The following ACTN1 variants were observed in gnomAD, a reference collection of about 807,000 sequenced individuals.
ACTN1 encodes actinin alpha 1, also known as alpha-actinin-1.
ACTN1 carries 30 observed loss-of-function variants against 119.6 expected under a neutral mutation model. That is an observed-to-expected ratio of 0.25 (90% CI 0.19 to 0.34). The LOEUF (loss-of-function observed/expected upper bound fraction) is 0.34, where lower values mean the gene tolerates loss of function less well. Ranked by LOEUF, ACTN1 falls within the 10% of genes least tolerant of loss-of-function variation. ACTN1 has a pLI of 1.00. For synonymous variants in ACTN1, 429 were observed against 472.6 expected (o/e 0.91, Z 1.20); for missense variants, 764 against 1,223.4 (o/e 0.62, Z 5.60).
intron 1 of ACTN1, among the ~76,000 whole-genome samples, chr14:68,962,777 A>G (rs1594877820): frequency 6.6e-6 from 1 of 152,210 alleles, no homozygotes; most frequent in Non-Finnish European, 1.5e-5. Context: ...AGGTCAATCA[A>G]ATAGTCCTGA....
chr14:68,975,780 G>A (rs113533377), intron 1 of ACTN1, among the ~76,000 whole-genome samples: 2,481 of 152,308 alleles, frequency 0.016, 52 homozygotes, highest in Middle Eastern at 0.048. Context: ...CTGGAGGCAT[G>A]GCGACCAGCC....
At chr14:68,950,565 C>CT (rs558318048) in intron 1 of ACTN1, among the ~76,000 whole-genome samples, 1,987 of 141,842 alleles carry the variant, frequency 0.014, 31 homozygotes, top group African/African-American at 0.036. Flanking sequence ...GCATGTCAAA[C>CT]TTTTTTTTTT....
chr14:68,903,257 T>C (rs2140245263), intron 7 of ACTN1, among the ~76,000 whole-genome samples: 1 of 152,270 alleles, frequency 6.6e-6, no homozygotes, highest in East Asian at 1.9e-4. Context: ...GTTTGAAAAT[T>C]TTCCTCATGA....
chr14:68,916,963 G>A (rs1451803974), intron 3 of ACTN1, among the ~76,000 whole-genome samples: 1 of 151,982 alleles, frequency 6.6e-6, no homozygotes, highest in Non-Finnish European at 1.5e-5. Context: ...GACCAATGCT[G>A]TGGTATGGCA....
In ACTN1 at chr14:68,925,932, A is replaced by G. The variant is rs1461378166; in HGVS notation, c.106-260T>C. On this transcript the variant is annotated intron_variant, in intron 1 of 21. Coordinates refer to ENST00000394419, the MANE Select transcript of ACTN1 (RefSeq NM_001130004.2). The surrounding 1 kb of genome is among the most constrained non-coding windows in gnomAD (Gnocchi z 4.3). Reference sequence around the variant, plus strand: ...ACATGAAGCAGCAAATTCCCTTAACATCCGCCTCCCAGCCCTCTCTCAAAG... The same window carrying G: ...ACATGAAGCAGCAAATTCCCTTAACGTCCGCCTCCCAGCCCTCTCTCAAAG... Among the ~76,000 whole-genome samples the G allele has an allele frequency of 6.6e-6, 1 of 152,096 alleles. No homozygotes were observed. The highest frequency in any genetic ancestry group is 1.5e-5 in the Non-Finnish European group (1 of 68,008).
chr14:68,958,004 A>C (rs1407055491), intron 1 of ACTN1, among the ~76,000 whole-genome samples: 1 of 152,196 alleles, frequency 6.6e-6, no homozygotes, highest in African/African-American at 2.4e-5. Flanking sequence ...AGATCTGGGC[A>C]AAACTTTCCC....
chr14:68,883,239 AG>A (rs1194553051), intron 14 of ACTN1, 184 bp from the exon 15 acceptor site: 3 of 636,036 alleles, frequency 4.7e-6, no homozygotes, highest in Non-Finnish European at 8.1e-6. Context: ...AGTCATCAAA[AG>A]CAACAGCTTC....
At chr14:68,884,102 G>A (rs2031796587) in intron 14 of ACTN1, 66 bp downstream of exon 14, 1 of 1,502,374 alleles carries the variant, frequency 6.7e-7, no homozygotes, top group South Asian at 1.3e-5. Context: ...CTGCAAAAGT[G>A]ACCCACAGAG....
intron 1 of ACTN1, among the ~76,000 whole-genome samples, chr14:68,943,182 C>G (rs2035822219): frequency 6.6e-6 from 1 of 152,146 alleles, no homozygotes; most frequent in Non-Finnish European, 1.5e-5. Context: ...TCGCCAACAC[C>G]TTGGTATGGC....
chr14:68,938,847 T>G (rs1399181737), intron 1 of ACTN1, among the ~76,000 whole-genome samples: 2 of 152,100 alleles, frequency 1.3e-5, no homozygotes, highest in Admixed American at 6.5e-5. Flanking sequence ...AGTCCTGTTG[T>G]TTTTTTTCCC....
intron 20 of ACTN1, 139 bp from the exon 21 acceptor site, chr14:68,877,379 C>T: frequency 9.3e-7 from 1 of 1,071,060 alleles, no homozygotes; most frequent in Non-Finnish European, 1.3e-6. Context: ...CCTGGGTTGT[C>T]CTAAGGGTAT....
chr14:68,967,643 T>C lies in ACTN1; in HGVS notation c.105+11309A>G, dbSNP rs548389081. On this transcript the variant is annotated intron_variant, in intron 1 of 21. Coordinates refer to ENST00000394419, the MANE Select transcript of ACTN1 (RefSeq NM_001130004.2). ...GCCACATATCTGTCCTTTCTGACTC[T>C]CCTAGCCCAGGTACTAACTGGGCAA... is the stretch of plus-strand genomic sequence containing the variant. Among the ~76,000 whole-genome samples the C allele has an allele frequency of 1.1e-4, 17 of 152,366 alleles. No individual in the cohort carries two copies. In the South Asian group the frequency reaches 3.5e-3, roughly 32 times the overall value.
chr14:68,966,791 AC>A (rs1178130082), intron 1 of ACTN1, among the ~76,000 whole-genome samples: 2 of 152,072 alleles, frequency 1.3e-5, no homozygotes, highest in Non-Finnish European at 2.9e-5. Context: ...GAAAACCAAG[AC>A]CCAGGTTTTA....
At position 68,885,340 on chromosome 14, in the gene ACTN1, C is replaced by T. The variant is rs942870092; in HGVS notation, c.1385+85G>A. 26 of 1,461,392 alleles carry T rather than the reference C, an allele frequency of 1.8e-5. 1 individual carries two copies. The highest frequency in any genetic ancestry group is 2.5e-4 in the Middle Eastern group (1 of 4,060). 90.5% of individuals were successfully genotyped at this position (1,461,392 alleles called of 1,614,324 possible). A position where few individuals can be genotyped will look rare whatever the true frequency, so the allele number is the denominator to read the frequency against. Reference sequence around the variant, plus strand: ...CTGTACCCACCCTCCCCATCTTCCACGGCCACACCCCCACCTCCCCCAGCA... The same window carrying T: ...CTGTACCCACCCTCCCCATCTTCCATGGCCACACCCCCACCTCCCCCAGCA... On this transcript the variant is annotated intron_variant, in intron 12 of 21. Transcript: ENST00000394419. The surrounding 1 kb of genome is among the most constrained non-coding windows in gnomAD (Gnocchi z 5.6).
At chr14:68,947,768 G>A (rs929306173) in intron 1 of ACTN1, among the ~76,000 whole-genome samples, 1 of 152,192 alleles carries the variant, frequency 6.6e-6, no homozygotes, top group African/African-American at 2.4e-5. Context: ...TGGAGGTCCT[G>A]GAGCCTATCA....
At chr14:68,960,596 C>T (rs778983204) in intron 1 of ACTN1, among the ~76,000 whole-genome samples, 4 of 152,086 alleles carry the variant, frequency 2.6e-5, no homozygotes, top group Non-Finnish European at 5.9e-5. Context: ...TATGACATAG[C>T]TCTGGATCTT....
At chr14:68,936,548 G>A (rs2035525680) in intron 1 of ACTN1, 2 of 451,682 alleles carry the variant, frequency 4.4e-6, no homozygotes, top group Admixed American at 3.4e-5. Flanking sequence ...CTGTCTAGGG[G>A]GTGGCGGGAG....
chr14:68,950,250 T>C (rs8016954), intron 1 of ACTN1, among the ~76,000 whole-genome samples: 114,339 of 147,624 alleles, frequency 0.77, 45,366 homozygotes, highest in East Asian at 1. Context: ...GCTGAGATTG[T>C]GCCACTGTAC....
At chr14:68,970,411 C>A (rs1463250339) in intron 1 of ACTN1, among the ~76,000 whole-genome samples, 1 of 152,210 alleles carries the variant, frequency 6.6e-6, no homozygotes, top group Non-Finnish European at 1.5e-5. Flanking sequence ...TAAACAAGAA[C>A]CTCAAACGTT....
Sources: allele counts gnomAD v4.1 joint callset (sites outside exome capture counted in the v4.1 genomes callset), GRCh38; gene constraint gnomAD v4.1.1; non-coding constraint Gnocchi (gnomAD v3.1); transcripts MANE v1.5; gene names NCBI Gene and HGNC (gene_info 2026-07-23, HGNC 2026-07-21).